The following XKR5 variants were observed in gnomAD, a reference collection of about 807,000 sequenced individuals.
XKR5 encodes the protein XK related 5.
A neutral mutation model predicts 40.8 loss-of-function variants in XKR5; 46 were observed. The observed-to-expected ratio is 1.13, with a 90% CI of 0.89 to 1.44. The LOEUF is 1.44. Among genes scored for constraint, XKR5 ranks in the 40% most tolerant of loss-of-function variants. XKR5 has a pLI of 0.00. For synonymous variants in XKR5, 466 were observed against 356.1 expected (o/e 1.31, Z -3.48); for missense variants, 1,169 against 844.7 (o/e 1.38, Z -4.76).
intron 2 of XKR5, 51 bp downstream of exon 2, chr8:6,832,666 A>C: frequency 3.1e-6 from 5 of 1,599,094 alleles, no homozygotes; most frequent in Non-Finnish European, 4.3e-6. Context: ...GATTCCTCTC[A>C]CTGCACTTGT....
chr8:6,834,837 C>G (rs1804938865), intron 1 of XKR5, among the ~76,000 whole-genome samples: 1 of 152,178 alleles, frequency 6.6e-6, no homozygotes, highest in Non-Finnish European at 1.5e-5. Flanking sequence ...TCTGGGTTCC[C>G]CCTGCGACGG....
At chr8:6,818,481 G>T (rs1021279546) in intron 5 of XKR5, among the ~76,000 whole-genome samples, 3 of 152,252 alleles carry the variant, frequency 2.0e-5, no homozygotes, top group Admixed American at 2.0e-4. Flanking sequence ...AGCACAGGAG[G>T]AAGCTCAATG....
intron 1 of XKR5, among the ~76,000 whole-genome samples, chr8:6,833,557 A>T (rs1804867432): frequency 6.6e-6 from 1 of 152,130 alleles, no homozygotes; most frequent in African/African-American, 2.4e-5. Flanking sequence ...TCTACTAAAA[A>T]TACAAAAATG....
At chr8:6,830,276 C>G (rs1804702005) in intron 2 of XKR5, among the ~76,000 whole-genome samples, 1 of 152,222 alleles carries the variant, frequency 6.6e-6, no homozygotes, top group African/African-American at 2.4e-5. Context: ...ATTGTTTTGG[C>G]TCCCCCTACA....
chr8:6,811,236 T>G lies in XKR5; in HGVS notation c.2023A>C (p.Arg675=). Residue 675 remains arginine (R), a synonymous_variant, in exon 7 of 7, where the codon AGG becomes CGG. Coordinates refer to ENST00000618742, the MANE Select transcript of XKR5 (RefSeq NM_207411.5). ...SESIQTDCSC[R]EQMKQEPSFF... ...CTCGGCTCTTGCTTCATCTGTTCCC[T>G]GCAGCTGCAGTCCGTTTGGATAGAC... The G allele has an allele frequency of 6.5e-7, 1 of 1,537,294 alleles. No homozygotes were observed. The highest frequency in any genetic ancestry group is 8.7e-7 in the Non-Finnish European group (1 of 1,146,906).
At chr8:6,833,255 C>T (rs1804854617) in intron 1 of XKR5, among the ~76,000 whole-genome samples, 1 of 152,228 alleles carries the variant, frequency 6.6e-6, no homozygotes. Flanking sequence ...ATTCAAAGGG[C>T]TAATCTGAAG....
intron 6 of XKR5, among the ~76,000 whole-genome samples, 178 bp downstream of exon 6, chr8:6,815,629 G>A (rs890069662): frequency 2.0e-5 from 3 of 152,100 alleles, no homozygotes; most frequent in African/African-American, 7.2e-5. Context: ...AGATGAGGCT[G>A]AGCTCAGTAT....
chr8:6,816,772 G>T (rs952554444), intron 5 of XKR5, among the ~76,000 whole-genome samples: 2 of 146,766 alleles, frequency 1.4e-5, no homozygotes, highest in African/African-American at 5.0e-5. Context: ...TAAATACTGT[G>T]TATTTTATTT....
intron 2 of XKR5, among the ~76,000 whole-genome samples, chr8:6,829,696 A>G (rs1804669371): frequency 1.3e-5 from 2 of 151,866 alleles, no homozygotes; most frequent in South Asian, 2.1e-4. Context: ...GTCTATTTTT[A>G]GTGGAGATGG....
chr8:6,835,289 T>C (rs1804962736), intron 1 of XKR5, 147 bp downstream of exon 1: 1 of 736,638 alleles, frequency 1.4e-6, no homozygotes, highest in Admixed American at 4.3e-5. Flanking sequence ...GCAGGTGGGA[T>C]GGCCACCACC....
At chr8:6,825,456 CTTACTAGTCACCTAGAG>C in intron 2 of XKR5, 107 bp from the exon 3 acceptor site, 1 of 1,134,182 alleles carries the variant, frequency 8.8e-7, no homozygotes, top group South Asian at 2.0e-5. Context: ...ATCCTATGCC[CTTACTAGTCACCTAGAG>C]TTACTAGTTA....
At position 6,832,863 on chromosome 8, in the gene XKR5, C is replaced by T. The variant is rs775743504; in HGVS notation, c.96G>A (p.Arg32=). The change falls in exon 2 of 7, where the codon CGG becomes CGA. Residue 32 remains arginine (R), a synonymous_variant. Transcript: ENST00000618742. The stretch of plus-strand genomic sequence containing the variant: ...CAAGGGCCAGCCACCCCCACAGAAG[C>T]CGTCCTGTGGTGAAGTAGTAAGCCA... ...YTVAYYFTTG[R]LLWGWLALAV... 2 of 1,609,810 alleles carry T rather than the reference C, an allele frequency of 1.2e-6. No individual in the cohort carries two copies. Among genetic ancestry groups the T allele is most frequent in the Admixed American group, 1.7e-5 (1 of 59,130 alleles).
intron 6 of XKR5, among the ~76,000 whole-genome samples, chr8:6,813,977 C>G (rs141131484): frequency 0.01 from 1,590 of 152,302 alleles, 12 homozygotes; most frequent in Non-Finnish European, 0.018. Context: ...AGCTATACCT[C>G]CCGTGAACTG....
At chr8:6,829,454 A>G (rs1587198083) in intron 2 of XKR5, 1 of 160,268 alleles carries the variant, frequency 6.2e-6, no homozygotes, top group Non-Finnish European at 1.5e-5. Context: ...TAAAATGAAC[A>G]TAGTATGTAT....
At chr8:6,818,685 C>T (rs1033682339) in intron 5 of XKR5, among the ~76,000 whole-genome samples, 2 of 152,194 alleles carry the variant, frequency 1.3e-5, no homozygotes, top group African/African-American at 4.8e-5. Flanking sequence ...GCAGTCACAC[C>T]TACTGAGACA....
At chr8:6,818,163 A>G (rs1804049202) in intron 5 of XKR5, among the ~76,000 whole-genome samples, 1 of 152,044 alleles carries the variant, frequency 6.6e-6, no homozygotes. Context: ...TTTCCCTCGG[A>G]CGCTGTGCGC....
intron 5 of XKR5, among the ~76,000 whole-genome samples, chr8:6,816,694 ATAATT>A (rs909601831): frequency 1.4e-5 from 2 of 147,082 alleles, no homozygotes; most frequent in African/African-American, 2.5e-5. Flanking sequence ...TTAATTAAAA[ATAATT>A]TAATTTTATT....
intron 2 of XKR5, among the ~76,000 whole-genome samples, chr8:6,831,670 C>T (rs1447607389): frequency 6.6e-6 from 1 of 152,100 alleles, no homozygotes; most frequent in Non-Finnish European, 1.5e-5. Context: ...ATTTAATGAA[C>T]ACTTGAGCTG....
chr8:6,833,340 G>C (rs1475356872), intron 1 of XKR5, among the ~76,000 whole-genome samples: 2 of 152,216 alleles, frequency 1.3e-5, no homozygotes, highest in African/African-American at 4.8e-5. Context: ...GACCACCCTG[G>C]TGACATTCCC....
Sources: gnomAD v4.1 joint callset for allele counts (sites outside exome capture counted in the v4.1 genomes callset) on GRCh38, gnomAD v4.1.1 for gene constraint, MANE v1.5 for transcripts, NCBI Gene and HGNC (gene_info 2026-07-23, HGNC 2026-07-21) for gene names.